KCNJ6: variants seen among roughly 807,000 people sequenced by gnomAD.
KCNJ6 encodes the protein G protein-activated inward rectifier potassium channel 2.
KCNJ6 carries 9 observed loss-of-function variants against 34.2 expected under a neutral mutation model. That is an observed-to-expected ratio of 0.26 (90% CI 0.16 to 0.46). KCNJ6 has a LOEUF of 0.46. KCNJ6 is among the 20% of genes least tolerant of loss of function. The pLI, the probability that KCNJ6 is intolerant of heterozygous loss-of-function variation, is 1.00. For missense variants in KCNJ6, 236 were observed against 531.3 expected (o/e 0.44, Z 5.46); for synonymous variants, 196 against 207.1 (o/e 0.95, Z 0.46).
At chr21:37,765,642 TG>T (rs1326286795) in intron 2 of KCNJ6, among the ~76,000 whole-genome samples, 1 of 152,242 alleles carries the variant, frequency 6.6e-6, no homozygotes, top group Non-Finnish European at 1.5e-5. Flanking sequence ...CTTAAGACTG[TG>T]TCAAGTTCAT....
At chr21:37,774,053 T>C (rs2055130275) in intron 2 of KCNJ6, among the ~76,000 whole-genome samples, 1 of 152,208 alleles carries the variant, frequency 6.6e-6, no homozygotes, top group African/African-American at 2.4e-5. Flanking sequence ...CTCCCTGGCC[T>C]GACCCTGAAG....
intron 2 of KCNJ6, among the ~76,000 whole-genome samples, chr21:37,766,160 G>C (rs945218772): frequency 3.9e-5 from 6 of 152,210 alleles, no homozygotes; most frequent in Non-Finnish European, 7.3e-5. Context: ...AGAAAGCTCA[G>C]TACTGTATGG....
At chr21:37,873,399 T>C (rs935065983) in intron 1 of KCNJ6, among the ~76,000 whole-genome samples, 2 of 152,164 alleles carry the variant, frequency 1.3e-5, no homozygotes, top group Non-Finnish European at 2.9e-5. Flanking sequence ...GTGAATAACT[T>C]TTCCAAAGAT....
At chr21:37,712,876 ACACCTGGAG>A (rs1265493515) in intron 3 of KCNJ6, among the ~76,000 whole-genome samples, 2 of 151,474 alleles carry the variant, frequency 1.3e-5, no homozygotes, top group Non-Finnish European at 2.9e-5. Context: ...AGTCCTGTTA[ACACCTGGAG>A]CACTTATGTC....
At chr21:37,860,714 C>G (rs540544076) in intron 1 of KCNJ6, among the ~76,000 whole-genome samples, 1 of 152,140 alleles carries the variant, frequency 6.6e-6, no homozygotes, top group Non-Finnish European at 1.5e-5. Context: ...CCACTACCCC[C>G]CTGGAGTGGC....
intron 1 of KCNJ6, among the ~76,000 whole-genome samples, chr21:37,912,559 C>T (rs2055872075): frequency 6.6e-6 from 1 of 152,200 alleles, no homozygotes; most frequent in Non-Finnish European, 1.5e-5. Flanking sequence ...CTGATAATGT[C>T]AGATGGAACA....
intron 1 of KCNJ6, among the ~76,000 whole-genome samples, chr21:37,912,605 G>T (rs551465105): frequency 6.6e-6 from 1 of 152,270 alleles, no homozygotes; most frequent in South Asian, 2.1e-4. Context: ...AATACTCCAC[G>T]TGTCACTTCT....
chr21:37,912,887 C>G (rs756379293), intron 1 of KCNJ6, among the ~76,000 whole-genome samples: 4 of 152,210 alleles, frequency 2.6e-5, no homozygotes, highest in Non-Finnish European at 2.9e-5. Context: ...AGGATCATAT[C>G]TTGTTTACCA....
rs147812774 is a variant in KCNJ6 at position 37,625,520 on chromosome 21, A to C, written c.947-36T>G. ...AAGAATGGAGGCTTTAGCATATGTA[A>C]GTGTGGGCTTTCCATGGCCAAGGAG... On this transcript the variant is annotated intron_variant, in intron 3 of 3. Coordinates refer to ENST00000609713, the MANE Select transcript of KCNJ6 (RefSeq NM_002240.5). 2.9e-5 allele frequency: 44 copies of C among 1,526,086 alleles called. No homozygotes were observed. In the African/African-American group the frequency reaches 4.9e-4, roughly 17 times the overall value. The allele number at this position is 1,526,086 out of a possible 1,614,324, so 94.5% of individuals were successfully genotyped here. A position where few individuals can be genotyped will look rare whatever the true frequency, so the allele number is the denominator to read the frequency against.
chr21:37,775,983 G>A (rs1309291722), intron 2 of KCNJ6, among the ~76,000 whole-genome samples: 1 of 152,166 alleles, frequency 6.6e-6, no homozygotes, highest in Admixed American at 6.5e-5. Context: ...CTACCCATGA[G>A]CATGGAATGT....
intron 3 of KCNJ6, among the ~76,000 whole-genome samples, chr21:37,705,269 AG>A (rs2054713706): frequency 6.6e-6 from 1 of 152,214 alleles, no homozygotes; most frequent in African/African-American, 2.4e-5. Flanking sequence ...AGACTGGGGA[AG>A]GGGCAGCCCT....
chr21:37,755,763 G>A lies in KCNJ6; in HGVS notation c.26-40632C>T, dbSNP rs560280601. ...TGGGTGCTACCATGGGCCAGCCTCC[G>A]GGTGAGAAGGATGGATACGAGGGTG... On this transcript the variant is annotated intron_variant, in intron 2 of 3. Coordinates refer to ENST00000609713, the MANE Select transcript of KCNJ6 (RefSeq NM_002240.5). Among the ~76,000 whole-genome samples, 21 of 152,308 alleles carry A rather than the reference G, an allele frequency of 1.4e-4. No homozygotes were observed. In the East Asian group the frequency reaches 3.9e-3, roughly 28 times the overall value.
intron 3 of KCNJ6, among the ~76,000 whole-genome samples, chr21:37,649,129 T>A (rs1483167743): frequency 1.7e-5 from 1 of 60,496 alleles, no homozygotes; most frequent in Admixed American, 2.0e-4. Flanking sequence ...TGAGACTCCA[T>A]CTCAAAAAAA....
intron 3 of KCNJ6, among the ~76,000 whole-genome samples, chr21:37,707,483 C>T (rs1156533308): frequency 1.3e-5 from 2 of 151,990 alleles, no homozygotes; most frequent in African/African-American, 2.4e-5. Context: ...ACAGAGGTTA[C>T]GTAAGGCAGG....
At chr21:37,885,275 C>A (rs556848117) in intron 1 of KCNJ6, among the ~76,000 whole-genome samples, 13 of 152,264 alleles carry the variant, frequency 8.5e-5, no homozygotes, top group African/African-American at 2.6e-4. Context: ...GGGTCTGACA[C>A]AGCCACCTTT....
At chr21:37,808,004 T>C (rs191256923) in intron 2 of KCNJ6, among the ~76,000 whole-genome samples, 52 of 152,332 alleles carry the variant, frequency 3.4e-4, no homozygotes, top group Non-Finnish European at 6.2e-4. Flanking sequence ...TCCTGGGTGC[T>C]ACCAGCCACT....
intron 1 of KCNJ6, among the ~76,000 whole-genome samples, chr21:37,877,274 G>A (rs2055683585): frequency 6.6e-6 from 1 of 152,136 alleles, no homozygotes; most frequent in Non-Finnish European, 1.5e-5. Context: ...GTCTAAAACA[G>A]CAGTACCATT....
intron 3 of KCNJ6, among the ~76,000 whole-genome samples, chr21:37,707,455 T>C (rs1302605103): frequency 6.6e-6 from 1 of 151,872 alleles, no homozygotes; most frequent in Non-Finnish European, 1.5e-5. Flanking sequence ...CATTTTAGAG[T>C]TGAAGAAATG....
rs949227232 is a variant in KCNJ6, at chr21:37,816,591, T to C, written c.25+24067A>G. On this transcript the variant is annotated intron_variant, in intron 2 of 3. Transcript: ENST00000609713. ...TCCTGATGCTGGAAAAGGTTGGGCA[T>C]TGGCCTAGATTTTTGCTGGGCTGGG... Among the ~76,000 whole-genome samples, 3 of 152,232 alleles carry C rather than the reference T, an allele frequency of 2.0e-5. No individual in the cohort carries two copies. In the East Asian group the frequency reaches 5.8e-4, roughly 29 times the overall value.
Sources: allele counts gnomAD v4.1 joint callset (sites outside exome capture counted in the v4.1 genomes callset), GRCh38; gene constraint gnomAD v4.1.1; transcripts MANE v1.5; gene names NCBI Gene and HGNC (gene_info 2026-07-23, HGNC 2026-07-21).